The following KDM3A variants were observed in gnomAD, a reference collection of about 807,000 sequenced individuals.
KDM3A encodes lysine-specific demethylase 3A.
A neutral mutation model predicts 158.0 loss-of-function variants in KDM3A; 60 were observed. That is an observed-to-expected ratio of 0.38 (90% CI 0.31 to 0.47). The LOEUF is 0.47. Among genes scored for constraint, KDM3A ranks in the 20% least tolerant of loss-of-function variants. The pLI, the probability that KDM3A is intolerant of heterozygous loss-of-function variation, is 0.99. For synonymous variants in KDM3A, 608 were observed against 549.3 expected, an observed-to-expected ratio of 1.11 and a Z score of -1.49; for missense variants, 1,319 against 1,574.3, an observed-to-expected ratio of 0.84 and a Z score of 2.74.
rs1193323430 is a variant in KDM3A, at chr2:86,481,919, T to C, written c.2513-11T>C. On this transcript the variant is annotated splice_polypyrimidine_tract_variant and intron_variant, in intron 16 of 25. Transcript: ENST00000312912. ...ATGTTTTTTCATCTGGATGTTTTGG[T>C]TTTATTTTAGAAAAACAACCAACAA... The C allele has an allele frequency of 6.2e-7, 1 of 1,604,984 alleles. No homozygotes were observed. The highest frequency in any genetic ancestry group is 1.3e-5 in the African/African-American group (1 of 74,506).
chr2:86,479,981 C>G, intron 15 of KDM3A, 186 bp from the exon 16 acceptor site: 1 of 598,286 alleles, frequency 1.7e-6, no homozygotes, highest in Non-Finnish European at 3.0e-6. Context: ...GACATCTCTC[C>G]TACCTTTTAG....
intron 2 of KDM3A, among the ~76,000 whole-genome samples, chr2:86,444,028 C>A (rs1039894316): frequency 7.9e-5 from 12 of 152,178 alleles, no homozygotes; most frequent in South Asian, 6.2e-4. Flanking sequence ...AGAGACTAGG[C>A]GTTCCCTTCC....
intron 25 of KDM3A, 123 bp downstream of exon 25, chr2:86,491,398 G>A: frequency 1.1e-6 from 1 of 951,958 alleles, no homozygotes. Flanking sequence ...GTGAGTCGAG[G>A]AACTTGCTTT....
intron 18 of KDM3A, 36 bp downstream of exon 18, chr2:86,482,730 A>T (rs376737713): frequency 6.2e-7 from 1 of 1,604,012 alleles, no homozygotes; most frequent in African/African-American, 1.3e-5. Context: ...CCCTATTCAG[A>T]ACCCCCTTCT....
chr2:86,450,360 A>G (rs553172530), intron 3 of KDM3A, among the ~76,000 whole-genome samples: 1 of 152,334 alleles, frequency 6.6e-6, no homozygotes, highest in African/African-American at 2.4e-5. Context: ...GCAACACTGG[A>G]GCCTTATGGC....
intron 2 of KDM3A, among the ~76,000 whole-genome samples, chr2:86,444,779 T>C (rs1002270146): frequency 2.6e-5 from 4 of 152,168 alleles, no homozygotes; most frequent in African/African-American, 4.8e-5. Flanking sequence ...TAGATAGTTA[T>C]GGATGATATT....
intron 11 of KDM3A, among the ~76,000 whole-genome samples, chr2:86,471,371 A>T (rs555557248): frequency 1.3e-5 from 2 of 149,694 alleles, no homozygotes; most frequent in Non-Finnish European, 3.0e-5. Flanking sequence ...ATGTGTATAT[A>T]TGTATATATA....
chr2:86,474,742 T>TGTAAAAA, intron 11 of KDM3A, 34 bp from the exon 12 acceptor site: 2 of 1,083,116 alleles, frequency 1.8e-6, no homozygotes, highest in Non-Finnish European at 1.4e-6. Flanking sequence ...TGTGTGTGTG[T>TGTAAAAA]ACATTACATC....
intron 15 of KDM3A, 68 bp from the exon 16 acceptor site, chr2:86,480,099 G>A (rs1490685144): frequency 8.1e-7 from 1 of 1,232,708 alleles, no homozygotes; most frequent in African/African-American, 1.5e-5. Flanking sequence ...GCTATTAGGA[G>A]AGAAGAAAAG....
chr2:86,486,146 T>C (rs1332575546), intron 21 of KDM3A, among the ~76,000 whole-genome samples: 1 of 152,230 alleles, frequency 6.6e-6, no homozygotes, highest in Non-Finnish European at 1.5e-5. Context: ...AGATGACTTT[T>C]AATGGTGTGT....
chr2:86,479,282 C>T (rs1673811258), intron 15 of KDM3A: 1 of 152,480 alleles, frequency 6.6e-6, no homozygotes, highest in Admixed American at 6.6e-5. Flanking sequence ...CCTTCTCCCC[C>T]TCGTTCCAGT....
Position 86,484,995 on chromosome 2 carries a change from C to T in KDM3A, c.3148C>T (p.Pro1050Ser). The part of the protein sequence containing the change: ...PMVLKLKDWP[P>S]GEDFRDMMPS... ...GGTGTTGAAACTTAAGGACTGGCCACCAGGAGAAGATTTTAGAGATATGAT... is the reference window on the plus strand; with the variant it reads ...GGTGTTGAAACTTAAGGACTGGCCATCAGGAGAAGATTTTAGAGATATGAT... The change falls in exon 20 of 26, where the codon CCA becomes TCA. Residue 1050 changes from proline to serine, a missense_variant. By Grantham distance (74) the Pro-to-Ser change is moderately conservative. Transcript: ENST00000312912. 6.2e-7 allele frequency: 1 copy of T among 1,608,126 alleles called. No individual in the cohort carries two copies. The highest frequency in any genetic ancestry group is 1.1e-5 in the South Asian group (1 of 90,906).
upstream of KDM3A, among the ~76,000 whole-genome samples, chr2:86,438,151 T>G (rs367883963): frequency 2.6e-5 from 4 of 152,122 alleles, no homozygotes; most frequent in African/African-American, 9.6e-5. Context: ...TTTTCTTTTC[T>G]TGATAGTTTG....
rs749984494 is a variant in KDM3A at position 86,442,053 on chromosome 2, G to A, written c.6G>A (p.Val2=). 1.2e-6 allele frequency: 2 copies of A among 1,613,812 alleles called. No individual in the cohort carries two copies. The highest frequency in any genetic ancestry group is 1.3e-5 in the African/African-American group (1 of 75,030). M[V]LTLGESWPVL... ...TTCCTGCAGGCGTGGAAACCATGGTGCTCACGCTCGGAGAAAGTTGGCCGG... is the reference window on the plus strand; with the variant it reads ...TTCCTGCAGGCGTGGAAACCATGGTACTCACGCTCGGAGAAAGTTGGCCGG... Residue 2 remains valine, a synonymous_variant, in exon 2 of 26, where the codon GTG becomes GTA. Transcript: ENST00000312912.
chr2:86,458,799 G>T (rs1672809942), intron 8 of KDM3A, among the ~76,000 whole-genome samples: 1 of 152,170 alleles, frequency 6.6e-6, no homozygotes, highest in Non-Finnish European at 1.5e-5. Flanking sequence ...TTATGCTGCA[G>T]ATGAAGAGGG....
intron 8 of KDM3A, among the ~76,000 whole-genome samples, chr2:86,458,348 A>G (rs1672791745): frequency 6.6e-6 from 1 of 152,210 alleles, no homozygotes; most frequent in African/African-American, 2.4e-5. Context: ...CCTCCTTTGA[A>G]GGGTATAGGC....
chr2:86,445,417 G>C (rs1682914079), intron 2 of KDM3A, among the ~76,000 whole-genome samples: 1 of 152,130 alleles, frequency 6.6e-6, no homozygotes. Context: ...CTTCCTAGCT[G>C]ATTTTGTTCA....
intron 2 of KDM3A, chr2:86,442,603 T>G (rs1682779676): frequency 6.0e-6 from 1 of 167,706 alleles, no homozygotes; most frequent in Non-Finnish European, 1.3e-5. Flanking sequence ...AGGTTAGTGC[T>G]TGGAAGTACT....
rs970141731 is a variant in KDM3A at position 86,488,208 on chromosome 2, A to G, written c.3314-1110A>G. 18 of 152,074 alleles carry G rather than the reference A, an allele frequency of 1.2e-4. 1 individual carries two copies. Among genetic ancestry groups the G allele is most frequent in the Admixed American group, 9.8e-4 (15 of 15,286 alleles). The allele number at this position is 152,074 out of a possible 1,614,324, so 9.4% of individuals were successfully genotyped here. On this transcript the variant is annotated intron_variant, in intron 21 of 25. Coordinates refer to ENST00000312912, the MANE Select transcript of KDM3A (RefSeq NM_018433.6). ...TGTTCATTTCATTCATTTTATTTCTATTACATTAATTGCTTTTTTCTGAAA... is the reference window on the plus strand; with the variant it reads ...TGTTCATTTCATTCATTTTATTTCTGTTACATTAATTGCTTTTTTCTGAAA...
Sources: allele counts gnomAD v4.1 joint callset (sites outside exome capture counted in the v4.1 genomes callset), GRCh38; gene constraint gnomAD v4.1.1; transcripts MANE v1.5; gene names NCBI Gene and HGNC (gene_info 2026-07-23, HGNC 2026-07-21).